RAB10: variants seen among roughly 807,000 people sequenced by gnomAD.
RAB10 encodes RAB10, member RAS oncogene family.
Under a neutral mutation model 25.7 loss-of-function variants are expected in RAB10, and 5 were observed. That is an observed-to-expected ratio of 0.19 (90% CI 0.10 to 0.41). The LOEUF (loss-of-function observed/expected upper bound fraction) is 0.41, where lower values mean the gene tolerates loss of function less well. RAB10 is among the 10% of genes least tolerant of loss of function. RAB10 has a pLI of 1.00. For synonymous variants in RAB10, 89 were observed against 86.4 expected, an observed-to-expected ratio of 1.03 and a Z score of -0.16; for missense variants, 103 against 245.8, an observed-to-expected ratio of 0.42 and a Z score of 3.89.
At chr2:26,104,070 C>T (rs191353052) in intron 2 of RAB10, among the ~76,000 whole-genome samples, 2 of 152,080 alleles carry the variant, frequency 1.3e-5, no homozygotes, top group South Asian at 2.1e-4. Flanking sequence ...TTTGTGTGGA[C>T]GTACAAGTTT....
At position 26,136,897 on chromosome 2, in the gene RAB10, T is replaced by C. The variant is rs973281275; in HGVS notation, c.*1876T>C. 1 of 152,666 alleles carries C rather than the reference T, an allele frequency of 6.6e-6. No individual in the cohort carries two copies. Among genetic ancestry groups the C allele is most frequent in the Non-Finnish European group, 1.5e-5 (1 of 68,046 alleles). The allele number at this position is 152,666 out of a possible 1,614,324, so 9.5% of individuals were successfully genotyped here. A position where few individuals can be genotyped will look rare whatever the true frequency, so the allele number is the denominator to read the frequency against. ...AGTAAAAAGCAGCATTGCCAAATAATCCCTAATTTTCCACTAAAAATATAA... is the reference window on the plus strand; with the variant it reads ...AGTAAAAAGCAGCATTGCCAAATAACCCCTAATTTTCCACTAAAAATATAA... On this transcript the variant is annotated 3_prime_UTR_variant, in exon 6 of 6. Transcript: ENST00000264710.
At chr2:26,051,595 CA>C (rs560459553) in intron 1 of RAB10, among the ~76,000 whole-genome samples, 347 of 130,684 alleles carry the variant, frequency 2.7e-3, no homozygotes, top group Admixed American at 3.3e-3. Flanking sequence ...ACTAAAAATA[CA>C]AAAAAAAAAA....
chr2:26,048,691 A>T (rs13424498), intron 1 of RAB10, among the ~76,000 whole-genome samples: 5,128 of 152,188 alleles, frequency 0.034, 291 homozygotes, highest in African/African-American at 0.12. Flanking sequence ...CTTGGGCAAC[A>T]TGGCGAAACC....
chr2:26,056,093 G>A (rs1419034239), intron 1 of RAB10, among the ~76,000 whole-genome samples: 1 of 151,858 alleles, frequency 6.6e-6, no homozygotes, highest in East Asian at 1.9e-4. Flanking sequence ...ATCTCTCTAT[G>A]TTGTCTAGGC....
intron 1 of RAB10, among the ~76,000 whole-genome samples, chr2:26,080,960 A>C (rs1157678157): frequency 1.3e-5 from 2 of 152,132 alleles, no homozygotes; most frequent in African/African-American, 4.8e-5. Flanking sequence ...TCCCCACCCA[A>C]ATCTCATCTT....
intron 1 of RAB10, among the ~76,000 whole-genome samples, chr2:26,078,966 G>A (rs961296600): frequency 6.6e-6 from 1 of 152,170 alleles, no homozygotes; most frequent in Non-Finnish European, 1.5e-5. Context: ...AAGGTGGGCA[G>A]ATCCTGAGGT....
Position 26,135,647 on chromosome 2 carries a change from A to G in RAB10, c.*626A>G, listed in dbSNP as rs1232862812. On this transcript the variant is annotated 3_prime_UTR_variant, in exon 6 of 6. Coordinates refer to ENST00000264710, the MANE Select transcript of RAB10 (RefSeq NM_016131.5). ...AATGTTTGTGGTTTGCTTGGCTGTA[A>G]TTTTCAAAGTAGTTAATTGAGGACA... 6.6e-6 allele frequency: 1 copy of G among 152,592 alleles called. No homozygotes were observed. Among genetic ancestry groups the G allele is most frequent in the African/African-American group, 2.4e-5 (1 of 41,436 alleles). 9.5% of individuals were successfully genotyped at this position (152,592 alleles called of 1,614,324 possible). A position where few individuals can be genotyped will look rare whatever the true frequency, so the allele number is the denominator to read the frequency against.
intron 1 of RAB10, among the ~76,000 whole-genome samples, chr2:26,052,075 AGTCATT>A (rs1666150952): frequency 6.6e-6 from 1 of 151,532 alleles, no homozygotes; most frequent in Non-Finnish European, 1.5e-5. Flanking sequence ...AAAAACAAAA[AGTCATT>A]AAAAAGATGT....
intron 1 of RAB10, among the ~76,000 whole-genome samples, chr2:26,045,374 G>A (rs1391430519): frequency 6.6e-6 from 1 of 151,994 alleles, no homozygotes; most frequent in Non-Finnish European, 1.5e-5. Flanking sequence ...TGAGTAGCTG[G>A]GACTACAGGC....
rs986450153 is a variant in RAB10, at chr2:26,135,231, A to G, written c.*210A>G. ...AAACAAAAAAATGTATAGAAAAATC[A>G]TGTCTGTGAGTTCATTTTTAAATGT... On this transcript the variant is annotated 3_prime_UTR_variant, in exon 6 of 6. Coordinates refer to ENST00000264710, the MANE Select transcript of RAB10 (RefSeq NM_016131.5). 8 of 492,668 alleles carry G rather than the reference A, an allele frequency of 1.6e-5. No individual in the cohort carries two copies. The highest frequency in any genetic ancestry group is 2.9e-5 in the Non-Finnish European group (8 of 278,768). The allele number at this position is 492,668 out of a possible 1,614,324, so 30.5% of individuals were successfully genotyped here.
At chr2:26,107,231 G>A (rs780313320) in intron 2 of RAB10, among the ~76,000 whole-genome samples, 14 of 138,246 alleles carry the variant, frequency 1.0e-4, no homozygotes, top group African/African-American at 3.9e-4. Flanking sequence ...GGGCAACAGA[G>A]CGACACCCTG....
chr2:26,069,023 C>T (rs985263544), intron 1 of RAB10, among the ~76,000 whole-genome samples: 2 of 152,154 alleles, frequency 1.3e-5, no homozygotes, highest in African/African-American at 4.8e-5. Context: ...TTAAGCTTTT[C>T]TGTAATCTCT....
At chr2:26,093,544 T>C (rs1667151108) in intron 1 of RAB10, among the ~76,000 whole-genome samples, 1 of 152,240 alleles carries the variant, frequency 6.6e-6, no homozygotes, top group Non-Finnish European at 1.5e-5. Flanking sequence ...AAATGTTCAC[T>C]ATCAGTTGAG....
intron 3 of RAB10, among the ~76,000 whole-genome samples, chr2:26,110,303 A>C (rs1239250430): frequency 6.9e-6 from 1 of 145,208 alleles, no homozygotes; most frequent in Non-Finnish European, 1.5e-5. Context: ...GCGCCACTGC[A>C]CTCCAGCCTG....
chr2:26,126,410 T>C (rs537085930), intron 3 of RAB10, among the ~76,000 whole-genome samples: 22 of 152,110 alleles, frequency 1.4e-4, no homozygotes, highest in Non-Finnish European at 2.6e-4. Flanking sequence ...AAACCCCCCA[T>C]CTCTACCAGA....
At chr2:26,083,698 T>C (rs567672359) in intron 1 of RAB10, among the ~76,000 whole-genome samples, 1 of 152,124 alleles carries the variant, frequency 6.6e-6, no homozygotes, top group Non-Finnish European at 1.5e-5. Context: ...TTTGTATCTT[T>C]AGTAGAGACT....
intron 1 of RAB10, among the ~76,000 whole-genome samples, chr2:26,072,566 CT>C (rs1666650753): frequency 2.0e-5 from 3 of 152,158 alleles, no homozygotes. Flanking sequence ...AAAGAAATTA[CT>C]TGCTGAGCTT....
chr2:26,085,224 C>CAA (rs906325542), intron 1 of RAB10, among the ~76,000 whole-genome samples: 2 of 152,162 alleles, frequency 1.3e-5, no homozygotes, highest in Non-Finnish European at 2.9e-5. Flanking sequence ...GGCAGTGACT[C>CAA]ACGCCTGTAA....
intron 1 of RAB10, among the ~76,000 whole-genome samples, chr2:26,047,704 G>C (rs1470397947): frequency 6.8e-6 from 1 of 146,226 alleles, no homozygotes; most frequent in Non-Finnish European, 1.5e-5. Flanking sequence ...TTACAGGTGT[G>C]AGCCACCATG....
Sources: gnomAD v4.1 joint callset for allele counts (sites outside exome capture counted in the v4.1 genomes callset) on GRCh38, gnomAD v4.1.1 for gene constraint, MANE v1.5 for transcripts, NCBI Gene and HGNC (gene_info 2026-07-23, HGNC 2026-07-21) for gene names.